ADGRL3: variants seen among roughly 807,000 people sequenced by gnomAD.
The protein encoded by ADGRL3 is calcium-independent alpha-latrotoxin receptor 3.
A neutral mutation model predicts 153.5 loss-of-function variants in ADGRL3; 62 were observed. That is an observed-to-expected ratio of 0.40 (90% CI 0.33 to 0.50). ADGRL3 has a LOEUF of 0.50. ADGRL3 is among the 20% of genes least tolerant of loss of function. The probability of loss-of-function intolerance (pLI) is 0.47; values close to 1 mark genes in which losing one functional copy is unlikely to be tolerated. For missense variants in ADGRL3, 1,641 were observed against 1,859.4 expected (o/e 0.88, Z 2.16); for synonymous variants, 710 against 672.5 (o/e 1.06, Z -0.86).
intron 19 of ADGRL3, among the ~76,000 whole-genome samples, chr4:61,993,511 C>T (rs974489136): frequency 6.6e-6 from 1 of 151,548 alleles, no homozygotes; most frequent in Non-Finnish European, 1.5e-5. Flanking sequence ...AGACTGGTCT[C>T]GAACTCCTGA....
chr4:61,387,198 A>T (rs1467847857), intron 2 of ADGRL3, among the ~76,000 whole-genome samples: 1 of 152,166 alleles, frequency 6.6e-6, no homozygotes, highest in Non-Finnish European at 1.5e-5. Flanking sequence ...TCAAAAGGGA[A>T]GGGAGTGTGC....
chr4:61,425,579 G>A (rs916970404), intron 2 of ADGRL3: 2 of 152,300 alleles, frequency 1.3e-5, no homozygotes, highest in African/African-American at 4.8e-5. Context: ...GCAAAATACA[G>A]GCTAACCATT....
At chr4:61,830,524 TC>T (rs2097857120) in intron 9 of ADGRL3, among the ~76,000 whole-genome samples, 1 of 152,200 alleles carries the variant, frequency 6.6e-6, no homozygotes, top group South Asian at 2.1e-4. Context: ...CCTTAGACTC[TC>T]AATTGAAGTT....
intron 1 of ADGRL3, among the ~76,000 whole-genome samples, chr4:61,242,159 C>T (rs1403730099): frequency 6.6e-6 from 1 of 151,990 alleles, no homozygotes; most frequent in East Asian, 1.9e-4. Context: ...TCCACTTTTT[C>T]CTGGGCAGCA....
At chr4:61,368,546 C>T (rs933444352) in intron 1 of ADGRL3, among the ~76,000 whole-genome samples, 14 of 151,586 alleles carry the variant, frequency 9.2e-5, no homozygotes, top group Admixed American at 2.0e-4. Flanking sequence ...TGTAGATATG[C>T]GGCGTTATTT....
At chr4:61,993,106 A>T (rs1381808056) in intron 19 of ADGRL3, among the ~76,000 whole-genome samples, 1 of 151,032 alleles carries the variant, frequency 6.6e-6, no homozygotes, top group African/African-American at 2.4e-5. Flanking sequence ...CATTCTTAAA[A>T]CGTATTATTA....
chr4:61,420,974 T>A (rs2152333515), intron 2 of ADGRL3, among the ~76,000 whole-genome samples: 2 of 152,138 alleles, frequency 1.3e-5, no homozygotes, highest in East Asian at 3.9e-4. Context: ...TTTTAATAAC[T>A]GTCTAACCTG....
At chr4:61,407,862 T>A (rs1456105977) in intron 2 of ADGRL3, among the ~76,000 whole-genome samples, 2 of 152,150 alleles carry the variant, frequency 1.3e-5, no homozygotes, top group Non-Finnish European at 2.9e-5. Flanking sequence ...CATGACTGAA[T>A]GGAGAAGTAA....
rs1478893281 is a variant in ADGRL3 at position 61,315,546 on chromosome 4, A to T, written c.-239-67578A>T. On this transcript the variant is annotated intron_variant, in intron 1 of 26. Transcript: ENST00000683033. ...GTAGCAATGTTAAAAAGTATAGCTC[A>T]CGTGATCCTGGTGGAGAAGGAGGGG... is the stretch of plus-strand genomic sequence containing the variant. Among the ~76,000 whole-genome samples the T allele has an allele frequency of 2.0e-5, 3 of 152,116 alleles. No individual in the cohort carries two copies. The East Asian group carries it at 5.8e-4, about 29-fold the overall frequency.
rs1302719139 is a variant in ADGRL3, at chr4:61,304,324, TTCTC to T, written c.-239-78796_-239-78793del. Among the ~76,000 whole-genome samples, 4 of 152,240 alleles carry T rather than the reference TTCTC, an allele frequency of 2.6e-5. No individual in the cohort carries two copies. In the East Asian group the frequency reaches 5.8e-4, roughly 22 times the overall value. ...ACACACCTTGCTATTGTAGATGAAA[TTCTC>T]TCTATGTGTTTAAGATTGTGAGGCT... On this transcript the variant is annotated intron_variant, in intron 1 of 26. Transcript: ENST00000683033.
intron 4 of ADGRL3, among the ~76,000 whole-genome samples, chr4:61,543,059 C>T (rs778380821): frequency 8.6e-5 from 13 of 152,040 alleles, no homozygotes; most frequent in Admixed American, 2.0e-4. Flanking sequence ...ACACTATTAT[C>T]GTTCTTCCCA....
intron 8 of ADGRL3, among the ~76,000 whole-genome samples, chr4:61,764,025 C>T (rs4495065): frequency 0.46 from 69,312 of 151,916 alleles, 16,198 homozygotes; most frequent in East Asian, 0.64. Flanking sequence ...CAAACATATC[C>T]AAGTCATGTG....
chr4:62,007,178 G>A (rs2099162113), intron 21 of ADGRL3, among the ~76,000 whole-genome samples: 1 of 150,762 alleles, frequency 6.6e-6, no homozygotes, highest in Admixed American at 6.6e-5. Flanking sequence ...TCATGGGCTT[G>A]TCTCCCATGT....
At chr4:61,347,660 T>C (rs938086643) in intron 1 of ADGRL3, among the ~76,000 whole-genome samples, 1 of 140,534 alleles carries the variant, frequency 7.1e-6, no homozygotes, top group African/African-American at 2.8e-5. Flanking sequence ...CCTAGAAAAC[T>C]GTGCATATGC....
At chr4:61,707,060 A>G (rs1426442605) in intron 6 of ADGRL3, among the ~76,000 whole-genome samples, 1 of 152,170 alleles carries the variant, frequency 6.6e-6, no homozygotes, top group Non-Finnish European at 1.5e-5. Flanking sequence ...GTGTCTCAGG[A>G]ATCAGGAAGG....
At chr4:61,516,066 T>C (rs528787475) in intron 3 of ADGRL3, among the ~76,000 whole-genome samples, 1 of 152,162 alleles carries the variant, frequency 6.6e-6, no homozygotes, top group Non-Finnish European at 1.5e-5. Context: ...CGGGGCAATG[T>C]CTCAGACTTA....
intron 2 of ADGRL3, among the ~76,000 whole-genome samples, chr4:61,475,807 G>C (rs2098040054): frequency 6.6e-6 from 1 of 152,104 alleles, no homozygotes; most frequent in Non-Finnish European, 1.5e-5. Context: ...TATGCATTTA[G>C]TGCTGAAACC....
At chr4:61,519,987 G>A (rs1579307071) in intron 4 of ADGRL3, among the ~76,000 whole-genome samples, 1 of 152,292 alleles carries the variant, frequency 6.6e-6, no homozygotes, top group African/African-American at 2.4e-5. Context: ...TCCAATGAAA[G>A]CAGCCATAAC....
chr4:61,212,650 A>T (rs1249891098), intron 1 of ADGRL3, among the ~76,000 whole-genome samples: 1 of 152,196 alleles, frequency 6.6e-6, no homozygotes, highest in Admixed American at 6.5e-5. Flanking sequence ...TTCAAAAAAG[A>T]AAGTTATGTT....
Sources: gnomAD v4.1 joint callset for allele counts (sites outside exome capture counted in the v4.1 genomes callset) on GRCh38, gnomAD v4.1.1 for gene constraint, MANE v1.5 for transcripts, NCBI Gene and HGNC (gene_info 2026-07-23, HGNC 2026-07-21) for gene names.